Variants in NUTM1 observed in about 807,000 individuals in gnomAD.
NUTM1 encodes NUT midline carcinoma family member 1, also known as NUT family member 1.
Under a neutral mutation model 88.7 loss-of-function variants are expected in NUTM1, and 39 were observed. The ratio of observed to expected loss-of-function variants is 0.44; its 90% CI spans 0.34 to 0.57. The LOEUF is 0.57. Among genes scored for constraint, NUTM1 ranks in the 20% least tolerant of loss-of-function variants. NUTM1 has a pLI of 0.01. For synonymous variants in NUTM1, 494 were observed against 538.0 expected (o/e 0.92, Z 1.13); for missense variants, 1,350 against 1,414.5 (o/e 0.95, Z 0.73).
In NUTM1 at chr15:34,357,188, A is replaced by G. The variant is rs1890833690; in HGVS notation, c.3180A>G (p.Pro1060=). Residue 1060 remains proline (P), a synonymous_variant, in exon 8 of 8, where the codon CCA becomes CCG. Transcript: ENST00000537011. ...TGGCCTCTAAACTTAGCCTCTCACC[A>G]AGGGAGCATCCCCTCAGTCCTCACC... ...YLLASKLSLS[P]REHPLSPHHA... is the part of the protein sequence containing the mutation. 1 of 1,614,132 alleles carries G rather than the reference A, an allele frequency of 6.2e-7. No individual in the cohort carries two copies. Among genetic ancestry groups the G allele is most frequent in the Non-Finnish European group, 8.5e-7 (1 of 1,180,010 alleles).
At chr15:34,343,979 C>T (rs1043847739) in intron 1 of NUTM1, among the ~76,000 whole-genome samples, 1 of 149,004 alleles carries the variant, frequency 6.7e-6, no homozygotes, top group Non-Finnish European at 1.5e-5. Context: ...AATCCCAACA[C>T]TGGGAGGCTG....
chr15:34,345,754 A>G, intron 1 of NUTM1, 188 bp from the exon 2 acceptor site: 1 of 710,956 alleles, frequency 1.4e-6, no homozygotes, highest in Non-Finnish European at 2.2e-6. Context: ...GCCAAACTGT[A>G]GTTTGAAGGG....
intron 5 of NUTM1, 30 bp downstream of exon 5, chr15:34,353,902 T>C (rs1454618600): frequency 6.2e-7 from 1 of 1,611,902 alleles, no homozygotes; most frequent in Non-Finnish European, 8.5e-7. Flanking sequence ...ACAGGAGCCG[T>C]GGGCCAAAGG....
rs760578224 is a variant in NUTM1 at position 34,355,640 on chromosome 15, G to A, written c.1632G>A (p.Gly544=). The change falls in exon 8 of 8, where the codon GGG becomes GGA. Residue 544 remains glycine (G), a synonymous_variant. Transcript: ENST00000537011. The surrounding 1 kb of genome is among the most constrained non-coding windows in gnomAD (Gnocchi z 4.3). The part of the protein sequence containing the change: ...GRLRPSPGLQ[G]AGGAACLGKV... The stretch of plus-strand genomic sequence containing the variant: ...TTCGGCCCTCACCTGGGCTTCAGGG[G>A]GCTGGGGGCGCCGCTTGCCTTGGAA... The A allele has an allele frequency of 2.0e-5, 32 of 1,610,908 alleles. No homozygotes were observed. Among genetic ancestry groups the A allele is most frequent in the Non-Finnish European group, 2.4e-5 (28 of 1,178,638 alleles).
intron 3 of NUTM1, 62 bp from the exon 4 acceptor site, chr15:34,350,642 G>A: frequency 6.4e-7 from 1 of 1,573,086 alleles, no homozygotes. Flanking sequence ...ATTGATGTAG[G>A]TGTCAGGGCA....
Position 34,357,356 on chromosome 15 carries a change from C to A in NUTM1, c.3348C>A (p.Pro1116=). Residue 1116 remains proline (P), a synonymous_variant, in exon 8 of 8, where the codon CCC becomes CCA. Transcript: ENST00000537011. ...AGGPAPTEKT[P]HSGAQLGVPR... Reference sequence around the variant, plus strand: ...GTCCAGCCCCTACTGAAAAGACACCCCACTCAGGAGCTCAACTTGGGGTCC... The same window carrying A: ...GTCCAGCCCCTACTGAAAAGACACCACACTCAGGAGCTCAACTTGGGGTCC... 6.2e-7 allele frequency: 1 copy of A among 1,614,180 alleles called. No homozygotes were observed.
Position 34,343,477 on chromosome 15 carries a change from T to C in NUTM1, c.-220T>C, listed in dbSNP as rs1215640898. ...AGGGCTCCAGGATTCAGAGCCCCTTTACCCTAGGGAAGAAAGAAGAGGTTT... is the reference window on the plus strand; with the variant it reads ...AGGGCTCCAGGATTCAGAGCCCCTTCACCCTAGGGAAGAAAGAAGAGGTTT... On this transcript the variant is annotated 5_prime_UTR_variant, in exon 1 of 8. Transcript: ENST00000537011. 12 of 1,066,188 alleles carry C rather than the reference T, an allele frequency of 1.1e-5. No individual in the cohort carries two copies. The highest frequency in any genetic ancestry group is 1.5e-5 in the Non-Finnish European group (11 of 755,506). 66.0% of individuals were successfully genotyped at this position (1,066,188 alleles called of 1,614,324 possible).
At chr15:34,354,920 A>C in intron 6 of NUTM1, 101 bp from the exon 7 acceptor site, 1 of 1,049,894 alleles carries the variant, frequency 9.5e-7, no homozygotes, top group South Asian at 1.3e-5. Context: ...CCGGAGGGGT[A>C]AGAGGGGAGA....
intron 4 of NUTM1, among the ~76,000 whole-genome samples, chr15:34,352,789 G>A (rs1890732358): frequency 3.3e-5 from 5 of 150,232 alleles, no homozygotes; most frequent in Middle Eastern, 3.4e-3. Context: ...CTGGGCGACA[G>A]AGTGAGACTC....
Position 34,356,661 on chromosome 15 carries a change from A to G in NUTM1, c.2653A>G (p.Thr885Ala), listed in dbSNP as rs758981375. 3.1e-6 allele frequency: 5 copies of G among 1,613,128 alleles called. No homozygotes were observed. In the South Asian group the frequency reaches 5.5e-5, roughly 18 times the overall value. ...TTCCACACTGGGGTCTTCCAAAGAAACCCTTCCACCCACATGCCAAGGCAA... is the reference window on the plus strand; with the variant it reads ...TTCCACACTGGGGTCTTCCAAAGAAGCCCTTCCACCCACATGCCAAGGCAA... Reference protein sequence around the residue: ...GDSTLGSSKETLPPTCQGNLL... With the variant: ...GDSTLGSSKEALPPTCQGNLL... The change falls in exon 8 of 8, where the codon ACC (threonine) becomes GCC (alanine). Residue 885 changes from threonine (T) to alanine (A), a missense_variant. Physicochemically the swap from Thr to Ala is moderately conservative, Grantham distance 58. Coordinates refer to ENST00000537011, the MANE Select transcript of NUTM1 (RefSeq NM_001284292.2).
rs774464902 is a variant in NUTM1 at position 34,348,220 on chromosome 15, G to A, written c.352G>A (p.Val118Ile). 28 of 1,614,204 alleles carry A rather than the reference G, an allele frequency of 1.7e-5. No individual in the cohort carries two copies. The East Asian group carries it at 6.0e-4, about 35-fold the overall frequency. Reference protein sequence around the residue: ...LSGAGAGKVIVKVKTEGGSAE... With the variant: ...LSGAGAGKVIIKVKTEGGSAE... Reference sequence around the variant, plus strand: ...TGGGGCTGGGGCTGGCAAGGTCATTGTCAAAGTCAAGACAGAAGGGGGGTC... The same window carrying A: ...TGGGGCTGGGGCTGGCAAGGTCATTATCAAAGTCAAGACAGAAGGGGGGTC... Residue 118 changes from valine to isoleucine, a missense_variant, in exon 3 of 8, where the codon GTC becomes ATC. Coordinates refer to ENST00000537011, the MANE Select transcript of NUTM1 (RefSeq NM_001284292.2).
Position 34,343,588 on chromosome 15 carries a change from C to T in NUTM1, c.-109C>T, listed in dbSNP as rs1221502419. On this transcript the variant is annotated 5_prime_UTR_variant, in exon 1 of 8. Transcript: ENST00000537011. ...GAATGCATGTTGAGTATCAATATTC[C>T]GTAAAGCGAAAGAGCGTAAAGTTAT... 5 of 1,534,390 alleles carry T rather than the reference C, an allele frequency of 3.3e-6. No individual in the cohort carries two copies. The highest frequency in any genetic ancestry group is 4.4e-6 in the Non-Finnish European group (5 of 1,146,138).
chr15:34,356,851 C>T lies in NUTM1; in HGVS notation c.2843C>T (p.Thr948Ile), dbSNP rs1446733970. Residue 948 changes from threonine to isoleucine, a missense_variant, in exon 8 of 8, where the codon ACC (threonine) becomes ATC (isoleucine). Physicochemically the swap from Thr to Ile is moderately conservative, Grantham distance 89 (BLOSUM62 -1). Around this residue, in one of 5 missense-constraint regions of NUTM1, gnomAD observed 730 missense variants for 728.8 expected, o/e 1.00. Coordinates refer to ENST00000537011, the MANE Select transcript of NUTM1 (RefSeq NM_001284292.2). ...CTCCAACTAAGGGTCAGCGAGGACA[C>T]CTGCCCACTGAATGTTCATTCTTAT... ...CGLQLRVSED[T>I]CPLNVHSYDP... The T allele has an allele frequency of 1.9e-6, 3 of 1,612,484 alleles. No individual in the cohort carries two copies. Among genetic ancestry groups the T allele is most frequent in the Non-Finnish European group, 2.5e-6 (3 of 1,179,708 alleles).
chr15:34,355,197 A>G lies in NUTM1; in HGVS notation c.1479+60A>G, dbSNP rs902610258. The G allele has an allele frequency of 3.5e-6, 4 of 1,133,646 alleles. No homozygotes were observed. The African/African-American group carries it at 6.1e-5, about 17-fold the overall frequency. 70.2% of individuals were successfully genotyped at this position (1,133,646 alleles called of 1,614,324 possible). On this transcript the variant is annotated intron_variant, in intron 7 of 7. Transcript: ENST00000537011. This position sits in a 1 kb window ranked among gnomAD's most constrained non-coding sequence, Gnocchi z 4.3. ...AGCTTGCAAGATTTTATCTAACCCT[A>G]CACTGTCGTGGGTGATATGGCTCTA...
At chr15:34,353,908 A>G in intron 5 of NUTM1, 36 bp downstream of exon 5, 11 of 1,609,362 alleles carry the variant, frequency 6.8e-6, no homozygotes, top group Non-Finnish European at 9.3e-6. Context: ...GCCGTGGGCC[A>G]AAGGCTCAAA....
At chr15:34,352,514 T>C (rs1890727160) in intron 4 of NUTM1, among the ~76,000 whole-genome samples, 1 of 151,672 alleles carries the variant, frequency 6.6e-6, no homozygotes, top group South Asian at 2.1e-4. Context: ...GGAAAACAAG[T>C]GAGGCCGGGC....
intron 4 of NUTM1, among the ~76,000 whole-genome samples, chr15:34,351,444 G>T (rs1468968648): frequency 6.6e-6 from 1 of 151,622 alleles, no homozygotes; most frequent in Non-Finnish European, 1.5e-5. Flanking sequence ...GACTAGGATG[G>T]CAGTTTCCTG....
At position 34,357,354 on chromosome 15, in the gene NUTM1, C is replaced by T. The variant is rs781747292; in HGVS notation, c.3346C>T (p.Pro1116Ser). 1.9e-6 allele frequency: 3 copies of T among 1,614,186 alleles called. No homozygotes were observed. The highest frequency in any genetic ancestry group is 2.5e-6 in the Non-Finnish European group (3 of 1,180,030). Residue 1116 changes from proline to serine, a missense_variant, in exon 8 of 8, where the codon CCC (proline) becomes TCC (serine). Transcript: ENST00000537011. Reference sequence around the variant, plus strand: ...AGGTCCAGCCCCTACTGAAAAGACACCCCACTCAGGAGCTCAACTTGGGGT... The same window carrying T: ...AGGTCCAGCCCCTACTGAAAAGACATCCCACTCAGGAGCTCAACTTGGGGT... ...AGGPAPTEKTPHSGAQLGVPR... is the reference protein window; with the variant it reads ...AGGPAPTEKTSHSGAQLGVPR...
rs1890815858 is a variant in NUTM1 at position 34,356,556 on chromosome 15, C to G, written c.2548C>G (p.Gln850Glu). The G allele has an allele frequency of 6.2e-7, 1 of 1,613,840 alleles. No homozygotes were observed. The highest frequency in any genetic ancestry group is 8.5e-7 in the Non-Finnish European group (1 of 1,179,976). ...NSPPLRSKEN[Q>E]EQSCETVGHP... is the part of the protein sequence containing the mutation. ...CCCACCCTTGAGGTCCAAAGAAAAT[C>G]AAGAACAGAGCTGTGAAACCGTAGG... Residue 850 changes from glutamine (Q) to glutamate (E), a missense_variant, in exon 8 of 8, where the codon CAA becomes GAA. Coordinates refer to ENST00000537011, the MANE Select transcript of NUTM1 (RefSeq NM_001284292.2).
Sources: allele counts gnomAD v4.1 joint callset (sites outside exome capture counted in the v4.1 genomes callset), GRCh38; gene constraint gnomAD v4.1.1; regional missense constraint gnomAD v4.1.1; non-coding constraint Gnocchi (gnomAD v3.1); transcripts MANE v1.5; gene names NCBI Gene and HGNC (gene_info 2026-07-23, HGNC 2026-07-21).